The following DLC1 variants were observed in gnomAD, a reference collection of about 807,000 sequenced individuals.
The protein encoded by DLC1 is DLC1 Rho GTPase activating protein, also known as rho GTPase-activating protein 7.
In DLC1, 54 loss-of-function variants were observed where a neutral mutation model predicts 140.3. That is an observed-to-expected ratio of 0.38 (90% CI 0.31 to 0.48). The LOEUF (loss-of-function observed/expected upper bound fraction) is 0.48, where lower values mean the gene tolerates loss of function less well. Among genes scored for constraint, DLC1 ranks in the 20% least tolerant of loss-of-function variants. DLC1 has a pLI of 0.96. For synonymous variants in DLC1, 986 were observed against 728.1 expected, an observed-to-expected ratio of 1.35 and a Z score of -5.70; for missense variants, 2,536 against 1,907.0, an observed-to-expected ratio of 1.33 and a Z score of -6.14.
Position 13,470,933 on chromosome 8 carries a change from G to A in DLC1, c.1023+28116C>T, listed in dbSNP as rs374088617. Among the ~76,000 whole-genome samples the A allele has an allele frequency of 2.6e-3, 397 of 152,244 alleles. 2 individuals carry two copies. The highest frequency in any genetic ancestry group is 8.4e-3 in the African/African-American group (348 of 41,546). On this transcript the variant is annotated intron_variant, in intron 2 of 17. Coordinates refer to ENST00000276297, the MANE Select transcript of DLC1 (RefSeq NM_182643.3). Reference sequence around the variant, plus strand: ...TTGATATACATACACACCCATACACGTGCATGCATACAATGGAATATTATT... The same window carrying A: ...TTGATATACATACACACCCATACACATGCATGCATACAATGGAATATTATT...
At chr8:13,428,251 T>C (rs1049280340) in intron 2 of DLC1, among the ~76,000 whole-genome samples, 1 of 152,162 alleles carries the variant, frequency 6.6e-6, no homozygotes, top group African/African-American at 2.4e-5. Context: ...TGTGCCCTGA[T>C]ACAATCATAA....
intron 5 of DLC1, among the ~76,000 whole-genome samples, chr8:13,286,014 A>T (rs1831523749): frequency 6.6e-6 from 1 of 152,192 alleles, no homozygotes; most frequent in African/African-American, 2.4e-5. Context: ...TTGCACAATA[A>T]ATATGCAATA....
intron 4 of DLC1, among the ~76,000 whole-genome samples, chr8:13,319,044 C>A (rs947712358): frequency 1.3e-5 from 2 of 152,180 alleles, no homozygotes; most frequent in African/African-American, 4.8e-5. Flanking sequence ...CTGGCTTTTG[C>A]AGACCTGGAA....
chr8:13,445,767 C>T (rs1386457576), intron 2 of DLC1, among the ~76,000 whole-genome samples: 1 of 152,212 alleles, frequency 6.6e-6, no homozygotes, highest in Admixed American at 6.5e-5. Flanking sequence ...AGACATCTCT[C>T]TTCTTTCCAG....
At chr8:13,555,441 C>G (rs1281737283) in intron 1 of DLC1, among the ~76,000 whole-genome samples, 1 of 152,044 alleles carries the variant, frequency 6.6e-6, no homozygotes, top group Non-Finnish European at 1.5e-5. Context: ...TGAAATTAGA[C>G]AGAAATGAAT....
At chr8:13,584,624 A>G (rs1055031097) in intron 1 of DLC1, 1 of 152,228 alleles carries the variant, frequency 6.6e-6, no homozygotes, top group African/African-American at 2.4e-5. Flanking sequence ...GGTAGAAGTC[A>G]TGCTTTATGG....
At chr8:13,355,757 C>T (rs1489723400) in intron 4 of DLC1, among the ~76,000 whole-genome samples, 1 of 151,982 alleles carries the variant, frequency 6.6e-6, no homozygotes, top group Non-Finnish European at 1.5e-5. Context: ...TTTTTGGCAT[C>T]TCTAACACAA....
chr8:13,248,241 A>C (rs1302314071), intron 5 of DLC1, among the ~76,000 whole-genome samples: 1 of 152,132 alleles, frequency 6.6e-6, no homozygotes, highest in Non-Finnish European at 1.5e-5. Flanking sequence ...AATTGATAAC[A>C]CACTCTCTTA....
At chr8:13,176,363 G>C (rs964006692) in intron 5 of DLC1, among the ~76,000 whole-genome samples, 1 of 152,138 alleles carries the variant, frequency 6.6e-6, no homozygotes, top group Non-Finnish European at 1.5e-5. Flanking sequence ...TGGATCACAA[G>C]GTCAGGAGAT....
At chr8:13,220,190 T>G (rs1308375186) in intron 5 of DLC1, among the ~76,000 whole-genome samples, 1 of 152,172 alleles carries the variant, frequency 6.6e-6, no homozygotes, top group African/African-American at 2.4e-5. Flanking sequence ...TTATGCTATG[T>G]ATATTTTACC....
chr8:13,108,939 T>A (rs2128945025), intron 7 of DLC1, among the ~76,000 whole-genome samples: 1 of 152,344 alleles, frequency 6.6e-6, no homozygotes, highest in South Asian at 2.1e-4. Context: ...AGTGAAGTTC[T>A]TGGAATTAGG....
intron 7 of DLC1, among the ~76,000 whole-genome samples, chr8:13,110,007 T>C (rs983922968): frequency 6.6e-6 from 1 of 152,168 alleles, no homozygotes; most frequent in Non-Finnish European, 1.5e-5. Flanking sequence ...ATAATTTTTT[T>C]CCCCCAGAAT....
chr8:13,094,952 C>T lies in DLC1; in HGVS notation c.3333G>A (p.Gly1111=), dbSNP rs1229196167. The T allele has an allele frequency of 6.2e-7, 1 of 1,614,158 alleles. No individual in the cohort carries two copies. Among genetic ancestry groups the T allele is most frequent in the South Asian group, 1.1e-5 (1 of 91,064 alleles). The change falls in exon 12 of 18, where the codon GGG becomes GGA. Residue 1111 remains glycine (G), a synonymous_variant. Transcript: ENST00000276297. ...ACTTGACCCCCGATTTTCTGAAGAG[C>T]CCAACCTGTCGGAAGAGCAACACTA... ...YLRNHCLDQV[G]LFRKSGVKSR... is the part of the protein sequence containing the mutation.
intron 4 of DLC1, among the ~76,000 whole-genome samples, chr8:13,306,364 C>A (rs1832427520): frequency 6.6e-6 from 1 of 152,154 alleles, no homozygotes; most frequent in Non-Finnish European, 1.5e-5. Flanking sequence ...GGTTCTCATT[C>A]ATCTCAGTTA....
chr8:13,407,115 A>C (rs1362313848), intron 2 of DLC1, among the ~76,000 whole-genome samples: 2 of 152,200 alleles, frequency 1.3e-5, no homozygotes, highest in Non-Finnish European at 2.9e-5. Flanking sequence ...TTTCAATTCA[A>C]TTTGATTTAC....
chr8:13,153,113 C>T (rs1010610417), intron 5 of DLC1, among the ~76,000 whole-genome samples: 8 of 152,196 alleles, frequency 5.3e-5, no homozygotes, highest in Non-Finnish European at 7.3e-5. Context: ...ACTTCAAGAA[C>T]GAAGCCGCGG....
At chr8:13,125,026 G>C (rs180822264) in intron 5 of DLC1, among the ~76,000 whole-genome samples, 16 of 151,636 alleles carry the variant, frequency 1.1e-4, no homozygotes, top group Admixed American at 9.8e-4. Context: ...ACCCACGCTG[G>C]AGTGCAGTAG....
At chr8:13,310,765 A>G (rs1488089668) in intron 4 of DLC1, among the ~76,000 whole-genome samples, 1 of 152,180 alleles carries the variant, frequency 6.6e-6, no homozygotes, top group Non-Finnish European at 1.5e-5. Context: ...GCAATCTGAT[A>G]TCATCTATTT....
chr8:13,502,536 A>G (rs1801869604), intron 1 of DLC1, among the ~76,000 whole-genome samples: 2 of 152,156 alleles, frequency 1.3e-5, no homozygotes, highest in African/African-American at 2.4e-5. Context: ...ATCTGTCTCT[A>G]TGATTTAAAG....
Sources: gnomAD v4.1 joint callset for allele counts (sites outside exome capture counted in the v4.1 genomes callset) on GRCh38, gnomAD v4.1.1 for gene constraint, MANE v1.5 for transcripts, NCBI Gene and HGNC (gene_info 2026-07-23, HGNC 2026-07-21) for gene names.